The following HDAC4 variants were observed in gnomAD, a reference collection of about 807,000 sequenced individuals.
HDAC4 encodes histone deacetylase A.
HDAC4 carries 16 observed loss-of-function variants against 135.1 expected under a neutral mutation model. The observed-to-expected ratio is 0.12, with a 90% confidence interval of 0.08 to 0.18. The LOEUF is 0.18. HDAC4 is among the 10% of genes least tolerant of loss of function. The pLI is 1.00. For missense variants in HDAC4, 1,143 were observed against 1,511.8 expected (o/e 0.76, Z 4.05); for synonymous variants, 685 against 653.4 (o/e 1.05, Z -0.74).
chr2:239,222,499 G>A (rs1464185654), intron 3 of HDAC4, among the ~76,000 whole-genome samples: 3 of 143,022 alleles, frequency 2.1e-5, no homozygotes, highest in African/African-American at 7.8e-5. Context: ...TGTACTTCCT[G>A]GAAACTATAA....
chr2:239,080,758 G>C (rs2035234702), intron 22 of HDAC4, among the ~76,000 whole-genome samples: 1 of 152,190 alleles, frequency 6.6e-6, no homozygotes, highest in Non-Finnish European at 1.5e-5. Flanking sequence ...GAGATCATGA[G>C]ACCCTGCAGG....
At chr2:239,253,423 A>G (rs1016832309) in intron 2 of HDAC4, among the ~76,000 whole-genome samples, 2 of 152,252 alleles carry the variant, frequency 1.3e-5, no homozygotes, top group Non-Finnish European at 2.9e-5. Flanking sequence ...CTTTTAACTC[A>G]ACTACAAGAA....
chr2:239,137,366 C>T (rs2041038851), intron 9 of HDAC4, among the ~76,000 whole-genome samples: 1 of 152,202 alleles, frequency 6.6e-6, no homozygotes, highest in Non-Finnish European at 1.5e-5. Context: ...AGGAGCTGTC[C>T]CCTTACGCAC....
chr2:239,352,675 T>G lies in HDAC4; in HGVS notation c.22+3A>C. The stretch of plus-strand genomic sequence containing the variant: ...GCCCAGAGAAGAAATGACCCGGCCT[T>G]ACCTGGATGGCTTTGGGAGCTCATT... On this transcript the variant is annotated splice_donor_region_variant and intron_variant, in intron 2 of 26. Coordinates refer to ENST00000543185, the MANE Select transcript of HDAC4 (RefSeq NM_001378414.1). This position sits in a 1 kb window ranked among gnomAD's most constrained non-coding sequence, Gnocchi z 4.4. 1 of 1,555,646 alleles carries G rather than the reference T, an allele frequency of 6.4e-7. No homozygotes were observed. Among genetic ancestry groups the G allele is most frequent in the Non-Finnish European group, 8.7e-7 (1 of 1,148,590 alleles).
intron 14 of HDAC4, among the ~76,000 whole-genome samples, chr2:239,110,067 G>T (rs2038534127): frequency 6.6e-6 from 1 of 152,184 alleles, no homozygotes; most frequent in South Asian, 2.1e-4. Context: ...AGAGTGTGAG[G>T]TACTAACAGA....
intron 4 of HDAC4, among the ~76,000 whole-genome samples, chr2:239,189,014 A>G (rs1361310104): frequency 6.6e-6 from 1 of 152,284 alleles, no homozygotes; most frequent in African/African-American, 2.4e-5. Flanking sequence ...GAGCAAGACA[A>G]TACAAACTTG....
In HDAC4 at chr2:239,139,096, TGA is replaced by T; in HGVS notation, c.978+586_978+587del. On this transcript the variant is annotated intron_variant, in intron 9 of 26. Coordinates refer to ENST00000543185, the MANE Select transcript of HDAC4 (RefSeq NM_001378414.1). The surrounding 1 kb of genome is among the most constrained non-coding windows in gnomAD (Gnocchi z 5.3). The stretch of plus-strand genomic sequence containing the variant: ...ACCAGGGGTGCTGAGCTCTGCGGTC[TGA>T]GATGCCTGGTTCCCGTGATGCCTGG... 6.6e-6 allele frequency among the ~76,000 whole-genome samples: 1 copy of T among 152,344 alleles called. No homozygotes were observed. Among genetic ancestry groups the T allele is most frequent in the South Asian group, 2.1e-4 (1 of 4,828 alleles).
intron 3 of HDAC4, among the ~76,000 whole-genome samples, chr2:239,220,623 G>C (rs1381365061): frequency 6.6e-6 from 1 of 152,164 alleles, no homozygotes; most frequent in African/African-American, 2.4e-5. Context: ...ACGACACACA[G>C]AGTTAGCGAG....
intron 2 of HDAC4, chr2:239,298,380 G>A (rs2052040502): frequency 3.5e-5 from 41 of 1,183,854 alleles, no homozygotes; most frequent in Non-Finnish European, 4.3e-5. Flanking sequence ...ATCCGGAATC[G>A]CCAGAGCTCT....
At chr2:239,176,608 C>T (rs1180680899) in intron 4 of HDAC4, 45 bp from the exon 5 acceptor site, 3 of 1,583,596 alleles carry the variant, frequency 1.9e-6, no homozygotes, top group East Asian at 2.2e-5. Flanking sequence ...CCAGGCTCCA[C>T]ACACACACAG....
chr2:239,207,017 G>A (rs937058871), intron 3 of HDAC4, among the ~76,000 whole-genome samples: 3 of 152,130 alleles, frequency 2.0e-5, no homozygotes, highest in African/African-American at 4.8e-5. Flanking sequence ...AGGCCTAAAC[G>A]CAAGTACTGG....
chr2:239,307,996 A>C lies in HDAC4; in HGVS notation c.22+44682T>G, dbSNP rs1421333632. Among the ~76,000 whole-genome samples, 1 of 152,164 alleles carries C rather than the reference A, an allele frequency of 6.6e-6. No homozygotes were observed. The highest frequency in any genetic ancestry group is 1.5e-5 in the Non-Finnish European group (1 of 68,034). On this transcript the variant is annotated intron_variant, in intron 2 of 26. Transcript: ENST00000543185. The surrounding 1 kb of genome is among the most constrained non-coding windows in gnomAD (Gnocchi z 4.8). The stretch of plus-strand genomic sequence containing the variant: ...CCCATCCCCCCCAAAGTGAGCGGCC[A>C]CACAGCAATGAGTGGCCACACAGCA...
At chr2:239,232,061 C>T (rs577195124) in intron 3 of HDAC4, among the ~76,000 whole-genome samples, 8 of 58,244 alleles carry the variant, frequency 1.4e-4, no homozygotes, top group African/African-American at 4.1e-4. Flanking sequence ...GCGTCCTCCC[C>T]GAAGCACCCC....
intron 17 of HDAC4, chr2:239,094,410 GCTCGTAGAAGCCAGCACAGCCCAGTGA>G (rs2036805054): frequency 3.2e-6 from 2 of 622,854 alleles, no homozygotes; most frequent in Admixed American, 2.4e-4. Flanking sequence ...CATATCATCA[GCTCGTAGAAGCCAGCACAGCCCAGTGA>G]TTCATATGCC....
intron 3 of HDAC4, among the ~76,000 whole-genome samples, chr2:239,211,942 CTT>C (rs2046372318): frequency 6.6e-6 from 1 of 152,144 alleles, no homozygotes; most frequent in African/African-American, 2.4e-5. Context: ...TGAATTTAGA[CTT>C]CAGCGTGAAG....
intron 3 of HDAC4, among the ~76,000 whole-genome samples, chr2:239,210,728 C>A (rs2046318407): frequency 6.6e-6 from 1 of 152,184 alleles, no homozygotes; most frequent in African/African-American, 2.4e-5. Flanking sequence ...GGCACAAAAT[C>A]CTACCATCCT....
At chr2:239,182,810 A>G (rs1445109220) in intron 4 of HDAC4, among the ~76,000 whole-genome samples, 1 of 152,126 alleles carries the variant, frequency 6.6e-6, no homozygotes, top group Non-Finnish European at 1.5e-5. Flanking sequence ...CTGGAACCAC[A>G]AGGGAAGATG....
At position 239,313,446 on chromosome 2, in the gene HDAC4, G is replaced by C. The variant is rs1195928562; in HGVS notation, c.22+39232C>G. Among the ~76,000 whole-genome samples the C allele has an allele frequency of 6.6e-6, 1 of 151,988 alleles. No individual in the cohort carries two copies. The highest frequency in any genetic ancestry group is 6.6e-5 in the Admixed American group (1 of 15,256). ...GTATCCCCAGGCTGCCCAGGAGCCCGCTCCTCCAATTGGGGGCTGGCCATC... is the reference window on the plus strand; with the variant it reads ...GTATCCCCAGGCTGCCCAGGAGCCCCCTCCTCCAATTGGGGGCTGGCCATC... On this transcript the variant is annotated intron_variant, in intron 2 of 26. Transcript: ENST00000543185. The surrounding 1 kb of genome is among the most constrained non-coding windows in gnomAD (Gnocchi z 5.1).
At chr2:239,340,071 G>C (rs890358949) in intron 2 of HDAC4, among the ~76,000 whole-genome samples, 1 of 152,170 alleles carries the variant, frequency 6.6e-6, no homozygotes, top group Non-Finnish European at 1.5e-5. Flanking sequence ...TACCCTCCTA[G>C]TTTCTAACAC....
Sources: allele counts gnomAD v4.1 joint callset (sites outside exome capture counted in the v4.1 genomes callset), GRCh38; gene constraint gnomAD v4.1.1; non-coding constraint Gnocchi (gnomAD v3.1); transcripts MANE v1.5; gene names NCBI Gene and HGNC (gene_info 2026-07-23, HGNC 2026-07-21).